Variants in ADGRV1 observed in about 807,000 individuals in gnomAD.
ADGRV1 encodes adhesion G protein-coupled receptor V1.
Under a neutral mutation model 596.2 loss-of-function variants are expected in ADGRV1, and 359 were observed. The observed-to-expected ratio is 0.60, with a 90% CI of 0.55 to 0.66. The LOEUF (loss-of-function observed/expected upper bound fraction) is 0.66. ADGRV1 is among the 30% of genes least tolerant of loss of function. ADGRV1 has a pLI of 0.00. For missense variants in ADGRV1, 7,274 were observed against 7,575.6 expected, an observed-to-expected ratio of 0.96 and a Z score of 1.48; for synonymous variants, 2,681 against 2,679.2, an observed-to-expected ratio of 1.00 and a Z score of -0.02.
intron 83 of ADGRV1, among the ~76,000 whole-genome samples, chr5:90,943,689 C>A (rs548208510): frequency 6.6e-6 from 1 of 152,180 alleles, no homozygotes; most frequent in African/African-American, 2.4e-5. Flanking sequence ...TTCCTGGCCT[C>A]CTTCTAGCTG....
At position 90,823,105 on chromosome 5, in the gene ADGRV1, A is replaced by G. The variant is rs140514036; in HGVS notation, c.16197-320A>G. On this transcript the variant is annotated intron_variant, in intron 75 of 89. Coordinates refer to ENST00000405460, the MANE Select transcript of ADGRV1 (RefSeq NM_032119.4). ...GACAATTTGACTTCCTCTTTTCCTAATTGGATGCCCTTTATTTCCTTCTCG... is the reference window on the plus strand; with the variant it reads ...GACAATTTGACTTCCTCTTTTCCTAGTTGGATGCCCTTTATTTCCTTCTCG... 1.8e-3 allele frequency among the ~76,000 whole-genome samples: 276 copies of G among 152,260 alleles called. 2 individuals carry two copies. The highest frequency in any genetic ancestry group is 6.3e-3 in the African/African-American group (261 of 41,536).
intron 83 of ADGRV1, among the ~76,000 whole-genome samples, chr5:90,891,531 C>A (rs1443500334): frequency 1.3e-5 from 2 of 150,610 alleles, no homozygotes; most frequent in African/African-American, 4.9e-5. Flanking sequence ...ATATTTGGAG[C>A]ATAATAGGAG....
chr5:91,108,221 A>G (rs1792059373), intron 87 of ADGRV1, among the ~76,000 whole-genome samples: 2 of 152,168 alleles, frequency 1.3e-5, no homozygotes, highest in African/African-American at 4.8e-5. Flanking sequence ...TGAGGTATTC[A>G]GTTTAGGCAT....
intron 83 of ADGRV1, among the ~76,000 whole-genome samples, chr5:90,940,575 A>G (rs935677828): frequency 1.3e-5 from 2 of 152,210 alleles, no homozygotes; most frequent in Non-Finnish European, 1.5e-5. Flanking sequence ...TCAGGTAACC[A>G]GGTCAATAAT....
intron 86 of ADGRV1, among the ~76,000 whole-genome samples, chr5:91,100,231 G>A (rs1791251120): frequency 6.6e-6 from 1 of 152,128 alleles, no homozygotes; most frequent in African/African-American, 2.4e-5. Context: ...AGACCAGCCG[G>A]GGCAACATGG....
At position 90,976,298 on chromosome 5, in the gene ADGRV1, A is replaced by ATATG. The variant is rs1554185103; in HGVS notation, c.17974-9045_17974-9044insATGT. Among the ~76,000 whole-genome samples the ATATG allele has an allele frequency of 6.7e-5, 8 of 119,000 alleles. No individual in the cohort carries two copies. The South Asian group carries it at 7.9e-4, about 12-fold the overall frequency. 78.1% of individuals were successfully genotyped at this position (119,000 alleles called of 152,430 possible). On this transcript the variant is annotated intron_variant, in intron 84 of 89. Coordinates refer to ENST00000405460, the MANE Select transcript of ADGRV1 (RefSeq NM_032119.4). ...TACGTGTATCTGTATGTGTGTGTAT[A>ATATG]TGTGTGTGTGTGTGTGTGTGTGTGT...
chr5:90,807,644 T>C lies in ADGRV1; in HGVS notation c.14879T>C (p.Phe4960Ser). 1 of 1,613,338 alleles carries C rather than the reference T, an allele frequency of 6.2e-7. No individual in the cohort carries two copies. Among genetic ancestry groups the C allele is most frequent in the Non-Finnish European group, 8.5e-7 (1 of 1,179,360 alleles). ...CACGGTGAACAAAGGAAAGGAGTTT[T>C]CCTGTGGACGTTTCCTAGCCCTGGT... ...FSHGEQRKGVFLWTFPSPGWP... is the reference protein window; with the variant it reads ...FSHGEQRKGVSLWTFPSPGWP... The change falls in exon 73 of 90, where the codon TTC becomes TCC. Residue 4960 changes from phenylalanine (F) to serine (S), a missense_variant. Phe to Ser is a radical substitution (Grantham distance 155). Around this residue, in one of 5 missense-constraint regions of ADGRV1, gnomAD observed 1,874 missense variants for 1,970.2 expected, o/e 0.95. Coordinates refer to ENST00000405460, the MANE Select transcript of ADGRV1 (RefSeq NM_032119.4).
At chr5:90,577,908 GCTCT>G (rs938961585) in intron 1 of ADGRV1, among the ~76,000 whole-genome samples, 1 of 151,824 alleles carries the variant, frequency 6.6e-6, no homozygotes, top group Non-Finnish European at 1.5e-5. Flanking sequence ...TCATGATTTG[GCTCT>G]CTGTCTATTA....
intron 84 of ADGRV1, among the ~76,000 whole-genome samples, chr5:90,971,145 A>T (rs902297300): frequency 1.3e-5 from 2 of 152,194 alleles, no homozygotes; most frequent in African/African-American, 2.4e-5. Context: ...CAAGAAGAGA[A>T]GTTTAGAGAA....
rs1382819270 is a variant in ADGRV1 at position 90,703,714 on chromosome 5, T to C, written c.8205T>C (p.Asn2735=). 4 of 1,605,480 alleles carry C rather than the reference T, an allele frequency of 2.5e-6. No individual in the cohort carries two copies. The highest frequency in any genetic ancestry group is 3.4e-6 in the Non-Finnish European group (4 of 1,175,082). The change falls in exon 35 of 90, where the codon AAT becomes AAC. Residue 2735 remains asparagine, a synonymous_variant. Transcript: ENST00000405460. ...HVIRTFPGRG[N]VTVNWKIIGQ... is the part of the protein sequence containing the mutation. ...TAAGAACTTTCCCTGGTCGAGGAAA[T>C]GTTACTGTTAACTGGAAAATTATTG...
chr5:91,138,423 A>G (rs1794822684), intron 87 of ADGRV1, among the ~76,000 whole-genome samples: 1 of 152,070 alleles, frequency 6.6e-6, no homozygotes, highest in Non-Finnish European at 1.5e-5. Context: ...TATTTTTTTA[A>G]GTTAAAACAT....
At chr5:90,754,711 A>G (rs1755641467) in intron 54 of ADGRV1, among the ~76,000 whole-genome samples, 1 of 152,150 alleles carries the variant, frequency 6.6e-6, no homozygotes, top group South Asian at 2.1e-4. Flanking sequence ...AGTGTATGAC[A>G]TGTGCAACAT....
intron 25 of ADGRV1, among the ~76,000 whole-genome samples, chr5:90,678,103 T>C (rs1744475884): frequency 1.3e-5 from 2 of 152,202 alleles, no homozygotes; most frequent in Non-Finnish European, 2.9e-5. Flanking sequence ...AAATCCATTT[T>C]GCCTTTTGGA....
intron 87 of ADGRV1, among the ~76,000 whole-genome samples, chr5:91,126,437 A>G (rs1167682168): frequency 1.3e-5 from 2 of 152,244 alleles, no homozygotes; most frequent in African/African-American, 4.8e-5. Context: ...AGCCAGCAGC[A>G]TTGCCCCACT....
chr5:90,815,138 C>T (rs1246782858), intron 74 of ADGRV1, among the ~76,000 whole-genome samples: 7 of 152,006 alleles, frequency 4.6e-5, no homozygotes, highest in East Asian at 3.9e-4. Context: ...TTTAATCAAA[C>T]GTCTTATGTG....
chr5:90,779,329 A>G (rs1366816730), intron 64 of ADGRV1: 10 of 308,834 alleles, frequency 3.2e-5, no homozygotes, highest in Non-Finnish European at 5.4e-5. Flanking sequence ...ATGTGTTTCT[A>G]TTGTGTGGAC....
At chr5:90,611,918 A>T (rs564047978) in intron 1 of ADGRV1, among the ~76,000 whole-genome samples, 27 of 152,098 alleles carry the variant, frequency 1.8e-4, no homozygotes, top group African/African-American at 5.5e-4. Flanking sequence ...TCTAATGGGA[A>T]CTTCATTTTC....
intron 83 of ADGRV1, among the ~76,000 whole-genome samples, chr5:90,878,562 G>A (rs752619100): frequency 4.6e-5 from 7 of 152,156 alleles, no homozygotes; most frequent in Non-Finnish European, 8.8e-5. Flanking sequence ...ATCTCATTCC[G>A]AAGAACACCT....
At chr5:90,702,605 G>C (rs891233795) in intron 34 of ADGRV1, among the ~76,000 whole-genome samples, 1 of 151,468 alleles carries the variant, frequency 6.6e-6, no homozygotes, top group Non-Finnish European at 1.5e-5. Context: ...AAAATGTGGC[G>C]GTTTAAAAAA....
Sources: gnomAD v4.1 joint callset for allele counts (sites outside exome capture counted in the v4.1 genomes callset) on GRCh38, gnomAD v4.1.1 for gene constraint, gnomAD v4.1.1 regional missense constraint, MANE v1.5 for transcripts, NCBI Gene and HGNC (gene_info 2026-07-23, HGNC 2026-07-21) for gene names.